The following ZNF433 variants were observed in gnomAD, a reference collection of about 807,000 sequenced individuals.
The protein encoded by ZNF433 is zinc finger protein 433.
A neutral mutation model predicts 10.6 loss-of-function variants in ZNF433; 12 were observed. The ratio of observed to expected loss-of-function variants is 1.13; its 90% CI spans 0.72 to 1.83. The LOEUF is 1.83. Ranked by LOEUF, ZNF433 falls within the 40% of genes most tolerant of loss-of-function variation. ZNF433 has a pLI of 0.00. For synonymous variants in ZNF433, 272 were observed against 271.3 expected, an observed-to-expected ratio of 1.00 and a Z score of -0.02; for missense variants, 737 against 798.0, an observed-to-expected ratio of 0.92 and a Z score of 0.92.
chr19:12,030,455 C>T lies in ZNF433; in HGVS notation c.3+5082G>A, dbSNP rs375287462. ...CAGGATAGTCTCGATCTCTTGACCT[C>T]GTGATCCACCTGCCTCAGCCTCCCA... On this transcript the variant is annotated intron_variant, in intron 1 of 3. Coordinates refer to ENST00000550507, the MANE Select transcript of ZNF433 (RefSeq NM_001308348.2). Among the ~76,000 whole-genome samples, 9 of 152,152 alleles carry T rather than the reference C, an allele frequency of 5.9e-5. No individual in the cohort carries two copies. In the South Asian group the frequency reaches 1.5e-3, roughly 25 times the overall value.
intron 1 of ZNF433, among the ~76,000 whole-genome samples, chr19:12,035,075 C>CT (rs1419792329): frequency 2.0e-5 from 3 of 152,188 alleles, no homozygotes; most frequent in Non-Finnish European, 4.4e-5. Flanking sequence ...CAAAGGAACT[C>CT]TAATTATTAA....
chr19:12,021,244 G>A (rs1434227612), intron 1 of ZNF433, among the ~76,000 whole-genome samples: 1 of 152,046 alleles, frequency 6.6e-6, no homozygotes, highest in East Asian at 1.9e-4. Flanking sequence ...GCCTCCCAAA[G>A]TGCTGGGATT....
intron 3 of ZNF433, 53 bp downstream of exon 3, chr19:12,017,823 C>T: frequency 2.9e-6 from 3 of 1,027,032 alleles, no homozygotes; most frequent in East Asian, 2.5e-5. Context: ...ACATTTTCTC[C>T]CATTCTAAGA....
At chr19:12,020,434 G>A (rs1195885730) in intron 1 of ZNF433, among the ~76,000 whole-genome samples, 3 of 152,110 alleles carry the variant, frequency 2.0e-5, no homozygotes, top group African/African-American at 7.2e-5. Flanking sequence ...TTTCTCTCAT[G>A]AAAAGTATTC....
At chr19:12,018,936 G>A (rs1974349329) in intron 1 of ZNF433, among the ~76,000 whole-genome samples, 1 of 150,762 alleles carries the variant, frequency 6.6e-6, no homozygotes, top group Non-Finnish European at 1.5e-5. Flanking sequence ...TGTAATCCCA[G>A]CTACCCAGGA....
chr19:12,022,620 C>T (rs958640863), intron 1 of ZNF433, among the ~76,000 whole-genome samples: 2 of 152,094 alleles, frequency 1.3e-5, no homozygotes, highest in Admixed American at 6.6e-5. Context: ...AAGCAATGCC[C>T]GTGGTAAGAA....
Position 12,016,320 on chromosome 19 carries a change from A to G in ZNF433, c.538T>C (p.Ser180Pro). Residue 180 changes from serine to proline, a missense_variant, in exon 4 of 4, where the codon TCA (serine) becomes CCA (proline). Ser to Pro is a moderately conservative substitution (Grantham distance 74, BLOSUM62 -1). Transcript: ENST00000550507. ...ATTATCCTGTGTCTTTGAAGGTTTG[A>G]ATGGGAAATAAATGTTTTTCCGCAT... is the stretch of plus-strand genomic sequence containing the variant. ...EECGKTFISHSNLQRHRIMHR... is the reference protein window; with the variant it reads ...EECGKTFISHPNLQRHRIMHR... The G allele has an allele frequency of 1.2e-6, 2 of 1,614,216 alleles. No individual in the cohort carries two copies. The highest frequency in any genetic ancestry group is 2.2e-5 in the South Asian group (2 of 91,082).
At chr19:12,024,642 A>C (rs751878451) in intron 1 of ZNF433, 2 of 152,218 alleles carry the variant, frequency 1.3e-5, no homozygotes, top group Non-Finnish European at 2.9e-5. Flanking sequence ...ATTGAAAAGT[A>C]AGTCCATAAA....
At chr19:12,020,827 C>T (rs1974452276) in intron 1 of ZNF433, among the ~76,000 whole-genome samples, 1 of 151,426 alleles carries the variant, frequency 6.6e-6, no homozygotes, top group Non-Finnish European at 1.5e-5. Flanking sequence ...TCGCTTGAAC[C>T]AGGGAGGCGG....
chr19:12,028,698 ATTATTT>A (rs1205169659), intron 1 of ZNF433, among the ~76,000 whole-genome samples: 1 of 152,106 alleles, frequency 6.6e-6, no homozygotes, highest in African/African-American at 2.4e-5. Context: ...AAATGTTTTT[ATTATTT>A]TTGTTTTGTT....
At chr19:12,018,369 G>A in intron 1 of ZNF433, 77 bp from the exon 2 acceptor site, 1 of 1,497,788 alleles carries the variant, frequency 6.7e-7, no homozygotes, top group Non-Finnish European at 8.9e-7. Flanking sequence ...TTCCCAAGAG[G>A]TTTCCATGAT....
At chr19:12,034,804 G>A (rs1333880906) in intron 1 of ZNF433, 5 of 450,622 alleles carry the variant, frequency 1.1e-5, no homozygotes, top group East Asian at 1.4e-4. Context: ...CACAGGTCCC[G>A]CCCTTTCTGC....
At chr19:12,018,470 C>T (rs930370661) in intron 1 of ZNF433, 178 bp from the exon 2 acceptor site, 1 of 616,944 alleles carries the variant, frequency 1.6e-6, no homozygotes, top group Non-Finnish European at 2.4e-6. Flanking sequence ...TCTGAGGCTA[C>T]AACTGAACCA....
intron 3 of ZNF433, 79 bp downstream of exon 3, chr19:12,017,797 C>CT (rs1974282297): frequency 1.1e-6 from 1 of 888,292 alleles, no homozygotes; most frequent in Non-Finnish European, 1.7e-6. Flanking sequence ...TCTTTTGTTT[C>CT]CTTTTTTTTT....
chr19:12,024,681 A>C (rs1190292156), intron 1 of ZNF433: 1 of 152,212 alleles, frequency 6.6e-6, no homozygotes, highest in Non-Finnish European at 1.5e-5. Context: ...GATCCAGAGA[A>C]GACTCTAGAT....
chr19:12,035,495 C>T (rs1253104811), intron 1 of ZNF433, 42 bp downstream of exon 1: 1 of 1,561,388 alleles, frequency 6.4e-7, no homozygotes, highest in African/African-American at 1.4e-5. Context: ...CGGTTCCAAC[C>T]AGCTCCTCCC....
At position 12,030,441 on chromosome 19, in the gene ZNF433, C is replaced by T. The variant is rs187478712; in HGVS notation, c.3+5096G>A. Among the ~76,000 whole-genome samples, 18 of 152,136 alleles carry T rather than the reference C, an allele frequency of 1.2e-4. No homozygotes were observed. The East Asian group carries it at 2.0e-3, about 17-fold the overall frequency. On this transcript the variant is annotated intron_variant, in intron 1 of 3. Transcript: ENST00000550507. ...TTCACCATGTTGGCCAGGATAGTCT[C>T]GATCTCTTGACCTCGTGATCCACCT... is the stretch of plus-strand genomic sequence containing the variant.
chr19:12,022,202 C>T (rs1461249088), intron 1 of ZNF433: 7 of 359,370 alleles, frequency 1.9e-5, no homozygotes, highest in African/African-American at 1.5e-4. Flanking sequence ...AAACCACAAA[C>T]AATAGCGTAA....
intron 3 of ZNF433, among the ~76,000 whole-genome samples, chr19:12,017,309 T>A (rs1974258136): frequency 6.6e-6 from 1 of 151,306 alleles, no homozygotes; most frequent in South Asian, 2.1e-4. Context: ...TTCAAGCGAT[T>A]CTCCTGCCTC....
Sources: gnomAD v4.1 joint callset for allele counts (sites outside exome capture counted in the v4.1 genomes callset) on GRCh38, gnomAD v4.1.1 for gene constraint, MANE v1.5 for transcripts, NCBI Gene and HGNC (gene_info 2026-07-23, HGNC 2026-07-21) for gene names.